The following MTMR7 variants were observed in gnomAD, a reference collection of about 807,000 sequenced individuals.
MTMR7 encodes the protein phosphatidylinositol-3-phosphate phosphatase MTMR7.
A neutral mutation model predicts 81.2 loss-of-function variants in MTMR7; 76 were observed. That is an observed-to-expected ratio of 0.94 (90% confidence interval 0.78 to 1.13). MTMR7 has a LOEUF of 1.13. MTMR7 is among the 50% of genes most tolerant of loss of function. The pLI is 0.00. For missense variants in MTMR7, 1,044 were observed against 820.0 expected, an observed-to-expected ratio of 1.27 and a Z score of -3.34; for synonymous variants, 372 against 289.8, an observed-to-expected ratio of 1.28 and a Z score of -2.88.
At chr8:17,355,913 G>A (rs1236278955) in intron 4 of MTMR7, among the ~76,000 whole-genome samples, 1 of 152,094 alleles carries the variant, frequency 6.6e-6, no homozygotes, top group Non-Finnish European at 1.5e-5. Flanking sequence ...TCAAAGTTAA[G>A]ACCAGTTAAT....
At chr8:17,369,257 T>A (rs1263890310) in intron 3 of MTMR7, among the ~76,000 whole-genome samples, 1 of 152,222 alleles carries the variant, frequency 6.6e-6, no homozygotes, top group East Asian at 1.9e-4. Context: ...GTTCAACTGC[T>A]TTTCTGCCTT....
chr8:17,367,756 A>C (rs986276594), intron 3 of MTMR7, among the ~76,000 whole-genome samples: 1 of 152,160 alleles, frequency 6.6e-6, no homozygotes, highest in South Asian at 2.1e-4. Flanking sequence ...TTCCCTTTCA[A>C]TAGTTACACC....
rs1817314237 is a variant in MTMR7 at position 17,304,365 on chromosome 8, A to C, written c.1493+14T>G. ...TTCATACCATGGCTACAAAGTTACCAAGGATTTACATACTTGTACATGAAG... is the reference window on the plus strand; with the variant it reads ...TTCATACCATGGCTACAAAGTTACCCAGGATTTACATACTTGTACATGAAG... On this transcript the variant is annotated intron_variant, in intron 12 of 13. Transcript: ENST00000180173. 9 of 1,606,638 alleles carry C rather than the reference A, an allele frequency of 5.6e-6. No homozygotes were observed. Among genetic ancestry groups the C allele is most frequent in the Non-Finnish European group, 7.7e-6 (9 of 1,174,082 alleles).
intron 12 of MTMR7, 48 bp downstream of exon 12, chr8:17,304,331 G>C (rs1411359505): frequency 6.3e-7 from 1 of 1,589,596 alleles, no homozygotes; most frequent in Non-Finnish European, 8.6e-7. Flanking sequence ...AACGGTACCA[G>C]AATCCAAGTT....
At chr8:17,319,646 A>G (rs1818279450) in intron 7 of MTMR7, among the ~76,000 whole-genome samples, 1 of 152,164 alleles carries the variant, frequency 6.6e-6, no homozygotes, top group African/African-American at 2.4e-5. Context: ...TCCTCAAACA[A>G]TCATTCTGAG....
chr8:17,384,558 T>C (rs1820869958), intron 1 of MTMR7, among the ~76,000 whole-genome samples: 2 of 152,162 alleles, frequency 1.3e-5, no homozygotes, highest in African/African-American at 4.8e-5. Flanking sequence ...AAATATAAAC[T>C]ACCCAATTAT....
At chr8:17,354,700 T>C (rs186429379) in intron 4 of MTMR7, among the ~76,000 whole-genome samples, 12 of 152,310 alleles carry the variant, frequency 7.9e-5, no homozygotes. Context: ...AGAAATAAGA[T>C]AAGTTGTCAA....
chr8:17,399,746 G>A (rs1057074544), intron 1 of MTMR7, among the ~76,000 whole-genome samples: 7 of 151,890 alleles, frequency 4.6e-5, no homozygotes, highest in African/African-American at 9.6e-5. Context: ...AGAGATATCC[G>A]CACTCCCATG....
At position 17,311,774 on chromosome 8, in the gene MTMR7, G is replaced by A. The variant is rs531959606; in HGVS notation, c.976-138C>T. On this transcript the variant is annotated intron_variant, in intron 8 of 13. Coordinates refer to ENST00000180173, the MANE Select transcript of MTMR7 (RefSeq NM_004686.5). ...ACACCTGTCCATTCGTCTGTTTAGG[G>A]CCCCCCCTAATTAGGGCAGAGCCAG... The A allele has an allele frequency of 8.1e-6, 11 of 1,363,986 alleles. No homozygotes were observed. The African/African-American group carries it at 1.6e-4, about 20-fold the overall frequency. The allele number at this position is 1,363,986 out of a possible 1,614,324, so 84.5% of individuals were successfully genotyped here.
chr8:17,388,061 G>A (rs1821003919), intron 1 of MTMR7, among the ~76,000 whole-genome samples: 1 of 152,170 alleles, frequency 6.6e-6, no homozygotes, highest in Non-Finnish European at 1.5e-5. Flanking sequence ...GGCAGAACAA[G>A]AAAAAAGTGC....
intron 6 of MTMR7, among the ~76,000 whole-genome samples, chr8:17,332,001 C>T (rs981789584): frequency 4.6e-5 from 7 of 152,148 alleles, no homozygotes; most frequent in African/African-American, 9.7e-5. Context: ...TTATTAAATC[C>T]AAACACTGTC....
At chr8:17,315,047 C>G (rs758168339) in intron 7 of MTMR7, among the ~76,000 whole-genome samples, 29 of 152,146 alleles carry the variant, frequency 1.9e-4, no homozygotes, top group African/African-American at 6.8e-4. Context: ...CTTGGGTAGT[C>G]AGCCGTGGGC....
intron 12 of MTMR7, 100 bp downstream of exon 12, chr8:17,304,279 G>A: frequency 1.5e-6 from 2 of 1,311,610 alleles, no homozygotes; most frequent in South Asian, 1.8e-5. Flanking sequence ...TCCAATAAAA[G>A]CCTCAAAGAT....
intron 6 of MTMR7, among the ~76,000 whole-genome samples, chr8:17,340,205 C>G (rs141632125): frequency 0.072 from 11,014 of 152,248 alleles, 729 homozygotes; most frequent in East Asian, 0.31. Context: ...CACCTGCCTT[C>G]GCCTCCCAAA....
intron 1 of MTMR7, among the ~76,000 whole-genome samples, chr8:17,388,937 C>T (rs1267255888): frequency 1.3e-5 from 2 of 152,222 alleles, no homozygotes; most frequent in African/African-American, 4.8e-5. Context: ...TCTCCTCTTA[C>T]AGTCCGGCCC....
chr8:17,323,523 G>A (rs947411810), intron 7 of MTMR7, among the ~76,000 whole-genome samples: 5 of 152,110 alleles, frequency 3.3e-5, no homozygotes, highest in African/African-American at 1.2e-4. Context: ...TGAGAGGCTG[G>A]AAAGTCCGGC....
chr8:17,342,903 C>T (rs936708631), intron 5 of MTMR7, among the ~76,000 whole-genome samples: 3 of 151,872 alleles, frequency 2.0e-5, no homozygotes, highest in Admixed American at 6.6e-5. Flanking sequence ...TGGCAAGCGA[C>T]GGCAAGGCCA....
chr8:17,384,429 A>G (rs1487376715), intron 1 of MTMR7, among the ~76,000 whole-genome samples: 1 of 152,184 alleles, frequency 6.6e-6, no homozygotes, highest in Non-Finnish European at 1.5e-5. Context: ...AAATAAATAA[A>G]TAATTATTAA....
chr8:17,311,506 C>G lies in MTMR7; in HGVS notation c.1101+5G>C, dbSNP rs1001142514. The G allele has an allele frequency of 6.2e-7, 1 of 1,614,112 alleles. No individual in the cohort carries two copies. The highest frequency in any genetic ancestry group is 8.5e-7 in the Non-Finnish European group (1 of 1,180,010). Reference sequence around the variant, plus strand: ...CTGTGGGAATCGCCCAGTGGCCACACTCACCATGAAGCCCTTCAGAGTCCG... The same window carrying G: ...CTGTGGGAATCGCCCAGTGGCCACAGTCACCATGAAGCCCTTCAGAGTCCG... On this transcript the variant is annotated splice_donor_5th_base_variant and intron_variant, in intron 9 of 13. Transcript: ENST00000180173.
Sources: gnomAD v4.1 joint callset for allele counts (sites outside exome capture counted in the v4.1 genomes callset) on GRCh38, gnomAD v4.1.1 for gene constraint, MANE v1.5 for transcripts, NCBI Gene and HGNC (gene_info 2026-07-23, HGNC 2026-07-21) for gene names.